The following LINGO2 variants were observed in gnomAD, a reference collection of about 807,000 sequenced individuals.
LINGO2 encodes the protein leucine rich repeat and Ig domain containing 2, also known as leucine-rich repeat and immunoglobulin-like domain-containing nogo receptor-interacting protein 2.
A neutral mutation model predicts 30.6 loss-of-function variants in LINGO2; 14 were observed. The ratio of observed to expected loss-of-function variants is 0.46; its 90% CI spans 0.30 to 0.72. LINGO2 has a LOEUF of 0.72. Among genes scored for constraint, LINGO2 ranks in the 30% least tolerant of loss-of-function variants. LINGO2 has a pLI of 0.07. For synonymous variants in LINGO2, 317 were observed against 288.5 expected, an observed-to-expected ratio of 1.10 and a Z score of -1.00; for missense variants, 729 against 751.7, an observed-to-expected ratio of 0.97 and a Z score of 0.35.
chr9:27,996,923 C>T (rs987100769), intron 5 of LINGO2, among the ~76,000 whole-genome samples: 1 of 152,054 alleles, frequency 6.6e-6, no homozygotes, highest in Non-Finnish European at 1.5e-5. Flanking sequence ...ACTTAAAGAG[C>T]CCAATAAATG....
At chr9:28,510,917 G>A (rs1008237635) in intron 1 of LINGO2, among the ~76,000 whole-genome samples, 28 of 152,086 alleles carry the variant, frequency 1.8e-4, no homozygotes, top group African/African-American at 6.5e-4. Flanking sequence ...TCTGATGTTC[G>A]AAGGCAGGAA....
chr9:28,922,640 A>T, the LINGO2 span, among the ~76,000 whole-genome samples: 1 of 152,242 alleles, frequency 6.6e-6, no homozygotes, highest in African/African-American at 2.4e-5. Context: ...TAAATAAGTG[A>T]ATGAATGAAC....
chr9:29,117,093 G>A, the LINGO2 span, among the ~76,000 whole-genome samples: 1 of 152,128 alleles, frequency 6.6e-6, no homozygotes, highest in Non-Finnish European at 1.5e-5. Context: ...ACATAAAGTG[G>A]TATGGCATCT....
At chr9:28,463,359 TGGCACCAAAA>T (rs902601611) in intron 2 of LINGO2, among the ~76,000 whole-genome samples, 1 of 151,690 alleles carries the variant, frequency 6.6e-6, no homozygotes, top group African/African-American at 2.4e-5. Context: ...AAAAGAACAC[TGGCACCAAAA>T]GGCCAAAAAA....
intron 1 of LINGO2, among the ~76,000 whole-genome samples, chr9:28,606,885 G>A (rs1008108958): frequency 6.6e-6 from 1 of 151,996 alleles, no homozygotes; most frequent in Non-Finnish European, 1.5e-5. Flanking sequence ...TAACTAGTTT[G>A]TTCTGACAAG....
chr9:28,464,843 A>G (rs533238594), intron 2 of LINGO2, among the ~76,000 whole-genome samples: 29 of 152,320 alleles, frequency 1.9e-4, no homozygotes, highest in African/African-American at 6.7e-4. Context: ...AGGCAATCAA[A>G]ACAAAAATAG....
chr9:28,041,065 T>C (rs554676233), intron 4 of LINGO2, among the ~76,000 whole-genome samples: 25 of 152,340 alleles, frequency 1.6e-4, no homozygotes, highest in Admixed American at 7.2e-4. Flanking sequence ...CTGTTAGCAT[T>C]TCCTTTGTAA....
intron 4 of LINGO2, among the ~76,000 whole-genome samples, chr9:28,025,211 C>T (rs1352967537): frequency 2.0e-5 from 3 of 152,102 alleles, no homozygotes; most frequent in Non-Finnish European, 4.4e-5. Context: ...ATTCAGTCAC[C>T]ACTATTACAT....
chr9:28,326,323 G>A (rs1825228654), intron 3 of LINGO2, among the ~76,000 whole-genome samples: 1 of 152,140 alleles, frequency 6.6e-6, no homozygotes, highest in South Asian at 2.1e-4. Context: ...TTTTTATAAT[G>A]CTGTAGATAA....
At chr9:28,074,264 T>C (rs763766912) in intron 4 of LINGO2, among the ~76,000 whole-genome samples, 5 of 152,178 alleles carry the variant, frequency 3.3e-5, no homozygotes, top group South Asian at 2.1e-4. Context: ...ACCCTAAAAT[T>C]GATGAATATT....
At chr9:28,984,975 ACCT>A in the LINGO2 span, among the ~76,000 whole-genome samples, 2 of 151,890 alleles carry the variant, frequency 1.3e-5, no homozygotes, top group Non-Finnish European at 2.9e-5. Context: ...CCCACCTTAG[ACCT>A]CCTGTCTAAC....
At chr9:28,914,861 G>A in the LINGO2 span, among the ~76,000 whole-genome samples, 3 of 152,254 alleles carry the variant, frequency 2.0e-5, no homozygotes, top group South Asian at 2.1e-4. Flanking sequence ...CGCTGGGTGC[G>A]GTGGCTCACG....
chr9:29,119,693 C>A, the LINGO2 span, among the ~76,000 whole-genome samples: 2 of 143,760 alleles, frequency 1.4e-5, no homozygotes, highest in Non-Finnish European at 3.0e-5. Flanking sequence ...TCAAGCAATT[C>A]TCCTGCCTCA....
chr9:29,107,673 G>A, the LINGO2 span, among the ~76,000 whole-genome samples: 2 of 151,984 alleles, frequency 1.3e-5, no homozygotes, highest in African/African-American at 4.8e-5. Flanking sequence ...TTGAGGAAAA[G>A]TACAGTTATC....
intron 4 of LINGO2, among the ~76,000 whole-genome samples, chr9:28,039,511 G>C (rs1349992534): frequency 6.6e-6 from 1 of 152,176 alleles, no homozygotes; most frequent in Non-Finnish European, 1.5e-5. Flanking sequence ...TAACAGGTGT[G>C]TGTGTGTGTA....
At chr9:28,516,144 C>G (rs1451538950) in intron 1 of LINGO2, among the ~76,000 whole-genome samples, 1 of 152,166 alleles carries the variant, frequency 6.6e-6, no homozygotes, top group Non-Finnish European at 1.5e-5. Context: ...CTATGTTATA[C>G]TATAAACATA....
Position 28,092,212 on chromosome 9 carries a change from T to C in LINGO2, c.-86-79807A>G, listed in dbSNP as rs535806342. On this transcript the variant is annotated intron_variant, in intron 4 of 5. Transcript: ENST00000379992. ...CATTACTGGGTATATACCCAAAGGATTATAATTCATGCTGCTATAAAGACA... is the reference window on the plus strand; with the variant it reads ...CATTACTGGGTATATACCCAAAGGACTATAATTCATGCTGCTATAAAGACA... Among the ~76,000 whole-genome samples, 20 of 152,220 alleles carry C rather than the reference T, an allele frequency of 1.3e-4. No homozygotes were observed. In the East Asian group the frequency reaches 2.7e-3, roughly 21 times the overall value.
At chr9:29,099,241 T>A in the LINGO2 span, among the ~76,000 whole-genome samples, 1 of 152,158 alleles carries the variant, frequency 6.6e-6, no homozygotes, top group African/African-American at 2.4e-5. Context: ...TCAAAATTGA[T>A]TAAAGACTTA....
chr9:28,408,863 T>C (rs539036788), intron 2 of LINGO2, among the ~76,000 whole-genome samples: 228 of 151,790 alleles, frequency 1.5e-3, no homozygotes, highest in Middle Eastern at 6.9e-3. Context: ...AGAACCACTT[T>C]CTTTGAAGTT....
Sources: gnomAD v4.1 joint callset for allele counts (sites outside exome capture counted in the v4.1 genomes callset) on GRCh38, gnomAD v4.1.1 for gene constraint, MANE v1.5 for transcripts, NCBI Gene and HGNC (gene_info 2026-07-23, HGNC 2026-07-21) for gene names.